Variants in ZHX3 observed in about 807,000 individuals in gnomAD.
ZHX3 encodes zinc fingers and homeoboxes protein 3.
In ZHX3, 20 loss-of-function variants were observed where a neutral mutation model predicts 64.5. That is an observed-to-expected ratio of 0.31 (90% CI 0.22 to 0.45). The LOEUF is 0.45. Ranked by LOEUF, ZHX3 falls within the 20% of genes least tolerant of loss-of-function variation. The probability of loss-of-function intolerance (pLI) is 1.00; values close to 1 mark genes in which losing one functional copy is unlikely to be tolerated. For missense variants in ZHX3, 1,041 were observed against 1,195.8 expected, an observed-to-expected ratio of 0.87 and a Z score of 1.91; for synonymous variants, 423 against 461.6, an observed-to-expected ratio of 0.92 and a Z score of 1.07.
At chr20:41,208,638 A>G (rs1325259451) in intron 2 of ZHX3, among the ~76,000 whole-genome samples, 4 of 152,206 alleles carry the variant, frequency 2.6e-5, no homozygotes, top group African/African-American at 9.6e-5. Context: ...ACAAAATTCA[A>G]CAGCCCTTCA....
At chr20:41,291,213 G>A (rs151111617) in intron 1 of ZHX3, among the ~76,000 whole-genome samples, 42 of 152,238 alleles carry the variant, frequency 2.8e-4, no homozygotes, top group African/African-American at 3.6e-4. Flanking sequence ...TTCCACAACC[G>A]AAAGAGAAGC....
chr20:41,273,745 C>T lies in ZHX3; in HGVS notation c.-244-4662G>A, dbSNP rs572551072. Among the ~76,000 whole-genome samples the T allele has an allele frequency of 2.0e-5, 3 of 152,230 alleles. No individual in the cohort carries two copies. The South Asian group carries it at 6.2e-4, about 32-fold the overall frequency. On this transcript the variant is annotated intron_variant, in intron 1 of 3. Coordinates refer to ENST00000683867, the MANE Select transcript of ZHX3 (RefSeq NM_001384317.1). ...CTTATACCTATTTTGATTATTGTAG[C>T]TTTGTAGTATCTTTTGAAATTGGGA...
In ZHX3 at chr20:41,203,240, T is replaced by C; in HGVS notation, c.1677A>G (p.Ile559Met). 1 of 1,614,160 alleles carries C rather than the reference T, an allele frequency of 6.2e-7. No individual in the cohort carries two copies. Among genetic ancestry groups the C allele is most frequent in the Admixed American group, 1.7e-5 (1 of 60,014 alleles). ...TGATGATGGAACTGTGATCTCCAGG[T>C]ATCATCGCTCTGGAGCCCTTCAAGT... The part of the protein sequence containing the change: ...CRNLKGSRAM[I>M]PGDHSSIIID... The change falls in exon 3 of 4, where the codon ATA becomes ATG. Residue 559 changes from isoleucine (I) to methionine (M), a missense_variant. By Grantham distance (10) the Ile-to-Met change is conservative. This residue lies in a region of ZHX3 where 649 missense variants were observed against 739.8 expected (regional missense o/e 0.88). Coordinates refer to ENST00000683867, the MANE Select transcript of ZHX3 (RefSeq NM_001384317.1). This position sits in a 1 kb window ranked among gnomAD's most constrained non-coding sequence, Gnocchi z 7.1.
chr20:41,262,624 G>A (rs1349168196), intron 2 of ZHX3, among the ~76,000 whole-genome samples: 1 of 152,166 alleles, frequency 6.6e-6, no homozygotes, highest in Non-Finnish European at 1.5e-5. Context: ...TGCACATCAT[G>A]CCACCTCATC....
intron 2 of ZHX3, among the ~76,000 whole-genome samples, chr20:41,223,789 T>C (rs928512701): frequency 1.3e-5 from 2 of 152,192 alleles, no homozygotes; most frequent in Non-Finnish European, 2.9e-5. Context: ...TTTCCCAAAA[T>C]ACATGGGTTG....
At chr20:41,235,593 A>C (rs1204459861) in intron 2 of ZHX3, among the ~76,000 whole-genome samples, 1 of 152,230 alleles carries the variant, frequency 6.6e-6, no homozygotes, top group Non-Finnish European at 1.5e-5. Flanking sequence ...AAAAACTCTC[A>C]ATAAATTAGG....
chr20:41,192,250 G>A (rs2037087865), intron 3 of ZHX3, among the ~76,000 whole-genome samples: 1 of 152,198 alleles, frequency 6.6e-6, no homozygotes, highest in African/African-American at 2.4e-5. Context: ...AAGTGCCAAT[G>A]GTGGTGGACT....
At chr20:41,257,332 C>T (rs1288841175) in intron 2 of ZHX3, among the ~76,000 whole-genome samples, 1 of 152,154 alleles carries the variant, frequency 6.6e-6, no homozygotes, top group Non-Finnish European at 1.5e-5. Flanking sequence ...ATCATAGCCT[C>T]ATAAAATGTT....
chr20:41,229,669 T>C (rs2040478476), intron 2 of ZHX3, among the ~76,000 whole-genome samples: 2 of 152,166 alleles, frequency 1.3e-5, no homozygotes. Context: ...ACGTTGAGTA[T>C]TTTTAATGTG....
intron 2 of ZHX3, among the ~76,000 whole-genome samples, chr20:41,265,385 A>G (rs954179263): frequency 6.6e-6 from 1 of 152,048 alleles, no homozygotes; most frequent in Non-Finnish European, 1.5e-5. Context: ...TATTTTTAGT[A>G]GAGATAGGGT....
chr20:41,184,786 A>G lies in ZHX3; in HGVS notation c.*405T>C. On this transcript the variant is annotated 3_prime_UTR_variant, in exon 4 of 4. Coordinates refer to ENST00000683867, the MANE Select transcript of ZHX3 (RefSeq NM_001384317.1). ...CATTTTTAGAGATGACGTAACTGAC[A>G]ATGCACTGCTTGGCTAACCAAAGTT... is the stretch of plus-strand genomic sequence containing the variant. 1 of 1,092,422 alleles carries G rather than the reference A, an allele frequency of 9.2e-7. No homozygotes were observed. The highest frequency in any genetic ancestry group is 1.3e-6 in the Non-Finnish European group (1 of 783,558). 67.7% of individuals were successfully genotyped at this position (1,092,422 alleles called of 1,614,324 possible). A position where few individuals can be genotyped will look rare whatever the true frequency, so the allele number is the denominator to read the frequency against.
chr20:41,250,604 T>G (rs942824283), intron 2 of ZHX3, among the ~76,000 whole-genome samples: 6 of 151,894 alleles, frequency 4.0e-5, no homozygotes, highest in Non-Finnish European at 8.8e-5. Context: ...CAGGAGAGAA[T>G]AAAAAGAAGG....
At chr20:41,297,029 T>C (rs2044567032) in intron 1 of ZHX3, among the ~76,000 whole-genome samples, 1 of 152,202 alleles carries the variant, frequency 6.6e-6, no homozygotes, top group Non-Finnish European at 1.5e-5. Context: ...ATCCTGCCCA[T>C]ACCTCTTGAA....
At chr20:41,209,577 A>G (rs2038997339) in intron 2 of ZHX3, among the ~76,000 whole-genome samples, 1 of 152,238 alleles carries the variant, frequency 6.6e-6, no homozygotes, top group African/African-American at 2.4e-5. Flanking sequence ...CAAACTTGAC[A>G]AAAACAAGAA....
intron 1 of ZHX3, among the ~76,000 whole-genome samples, chr20:41,279,357 C>T (rs555646541): frequency 6.6e-6 from 1 of 152,114 alleles, no homozygotes; most frequent in Admixed American, 6.5e-5. Flanking sequence ...CACATACACA[C>T]AAAAACACAC....
At chr20:41,293,187 CACA>C (rs767800963) in intron 1 of ZHX3, among the ~76,000 whole-genome samples, 18 of 152,180 alleles carry the variant, frequency 1.2e-4, no homozygotes, top group African/African-American at 3.9e-4. Context: ...CAGGGAGACC[CACA>C]ACATCAGCAC....
rs181516401 is a variant in ZHX3 at position 41,228,294 on chromosome 20, T to C, written c.-150-23228A>G. Among the ~76,000 whole-genome samples the C allele has an allele frequency of 2.6e-5, 4 of 152,336 alleles. No individual in the cohort carries two copies. The East Asian group carries it at 7.7e-4, about 29-fold the overall frequency. ...TTAAAAAACTACATGCATAAATTTC[T>C]GGCTCCGTTGACCCTGGCACTCACC... On this transcript the variant is annotated intron_variant, in intron 2 of 3. Transcript: ENST00000683867. The surrounding 1 kb of genome is among the most constrained non-coding windows in gnomAD (Gnocchi z 4.6).
chr20:41,270,112 CCGGGT>C (rs1475642302), intron 1 of ZHX3, among the ~76,000 whole-genome samples: 1 of 152,180 alleles, frequency 6.6e-6, no homozygotes, highest in African/African-American at 2.4e-5. Flanking sequence ...TATGTTAAGG[CCGGGT>C]ACGGTGGCTC....
chr20:41,308,080 AAAAGTGTGACATT>A (rs1431114586), intron 1 of ZHX3, among the ~76,000 whole-genome samples: 1 of 152,218 alleles, frequency 6.6e-6, no homozygotes, highest in Admixed American at 6.5e-5. Flanking sequence ...TGACGGGAGG[AAAAGTGTGACATT>A]AAAGAACATA....
Sources: gnomAD v4.1 joint callset for allele counts (sites outside exome capture counted in the v4.1 genomes callset) on GRCh38, gnomAD v4.1.1 for gene constraint, gnomAD v4.1.1 regional missense constraint, Gnocchi (gnomAD v3.1) non-coding constraint, MANE v1.5 for transcripts, NCBI Gene and HGNC (gene_info 2026-07-23, HGNC 2026-07-21) for gene names.